The following AKAP6 variants were observed in gnomAD, a reference collection of about 807,000 sequenced individuals.
AKAP6 encodes the protein A-kinase anchoring protein 6, also known as A-kinase anchor protein 6.
In AKAP6, 58 loss-of-function variants were observed where a neutral mutation model predicts 188.5. That is an observed-to-expected ratio of 0.31 (90% confidence interval 0.25 to 0.38). AKAP6 has a LOEUF of 0.38. Among genes scored for constraint, AKAP6 ranks in the 10% least tolerant of loss-of-function variants. The pLI is 1.00. For synonymous variants in AKAP6, 989 were observed against 998.6 expected, an observed-to-expected ratio of 0.99 and a Z score of 0.18; for missense variants, 2,710 against 2,740.0, an observed-to-expected ratio of 0.99 and a Z score of 0.24.
At chr14:32,381,130 A>G (rs908769780) in intron 1 of AKAP6, among the ~76,000 whole-genome samples, 3 of 152,156 alleles carry the variant, frequency 2.0e-5, no homozygotes, top group Admixed American at 2.0e-4. Context: ...TGAGGCCAAG[A>G]GTTCGAGACC....
At chr14:32,643,531 CT>C (rs1248474386) in intron 7 of AKAP6, among the ~76,000 whole-genome samples, 1 of 152,118 alleles carries the variant, frequency 6.6e-6, no homozygotes, top group Non-Finnish European at 1.5e-5. Flanking sequence ...TGGTCTTGAA[CT>C]CCTGACCTTG....
intron 2 of AKAP6, among the ~76,000 whole-genome samples, chr14:32,510,430 ATATATG>A (rs1881162092): frequency 2.6e-5 from 2 of 77,368 alleles, no homozygotes; most frequent in African/African-American, 6.3e-5. Flanking sequence ...ATATACATAT[ATATATG>A]TGTATATATA....
chr14:32,789,804 G>A (rs1027374098), intron 12 of AKAP6, among the ~76,000 whole-genome samples: 2 of 152,190 alleles, frequency 1.3e-5, no homozygotes, highest in Non-Finnish European at 2.9e-5. Context: ...CAAAAAGCCA[G>A]AGTGCCTCTT....
At chr14:32,494,884 GT>G (rs1417255357) in intron 2 of AKAP6, among the ~76,000 whole-genome samples, 1 of 152,158 alleles carries the variant, frequency 6.6e-6, no homozygotes, top group Non-Finnish European at 1.5e-5. Context: ...TACACCCCAT[GT>G]TGTGGGGTGT....
At chr14:32,567,518 C>A (rs1884255007) in intron 4 of AKAP6, among the ~76,000 whole-genome samples, 1 of 152,126 alleles carries the variant, frequency 6.6e-6, no homozygotes, top group Non-Finnish European at 1.5e-5. Flanking sequence ...ATAAACTCTT[C>A]ACATGGAATT....
intron 12 of AKAP6, among the ~76,000 whole-genome samples, chr14:32,787,586 A>T (rs1479603308): frequency 1.3e-5 from 2 of 152,162 alleles, no homozygotes; most frequent in Non-Finnish European, 2.9e-5. Flanking sequence ...TGTGGCAATT[A>T]TTTTTATAAG....
chr14:32,718,368 TTTC>T, intron 9 of AKAP6: 1 of 982,320 alleles, frequency 1.0e-6, no homozygotes, highest in Non-Finnish European at 1.2e-6. Context: ...TCAAAATATT[TTTC>T]TGACAAATAT....
At chr14:32,821,330 T>A in intron 12 of AKAP6, 72 bp from the exon 13 acceptor site, 1 of 1,493,468 alleles carries the variant, frequency 6.7e-7, no homozygotes, top group Middle Eastern at 1.8e-4. Context: ...TTCTGAGAGA[T>A]TTTCAATGGA....
chr14:32,337,643 A>G (rs1946261495), intron 1 of AKAP6, among the ~76,000 whole-genome samples: 1 of 152,024 alleles, frequency 6.6e-6, no homozygotes, highest in African/African-American at 2.4e-5. Context: ...ACATATGTAT[A>G]CATGTGCCAT....
chr14:32,510,405 T>TATATATATACAC lies in AKAP6; in HGVS notation c.325-25141_325-25140insACACATATATAT, dbSNP rs1555335129. 2.4e-3 allele frequency among the ~76,000 whole-genome samples: 236 copies of TATATATATACAC among 98,010 alleles called. 2 individuals carry two copies. The highest frequency in any genetic ancestry group is 9.7e-3 in the African/African-American group (223 of 22,964). The allele number at this position is 98,010 out of a possible 152,430, so 64.3% of individuals were successfully genotyped here. ...GTATATATATATGTGTATATATATG[T>TATATATATACAC]ATATATATGTATATATATACATATA... is the stretch of plus-strand genomic sequence containing the variant. On this transcript the variant is annotated intron_variant, in intron 2 of 13. Transcript: ENST00000280979.
intron 11 of AKAP6, among the ~76,000 whole-genome samples, chr14:32,758,006 T>G (rs2032402856): frequency 6.6e-6 from 1 of 152,222 alleles, no homozygotes; most frequent in Non-Finnish European, 1.5e-5. Flanking sequence ...TATTCAAATA[T>G]GTGTACTTAT....
At chr14:32,551,700 C>T (rs1883473318) in intron 4 of AKAP6, among the ~76,000 whole-genome samples, 1 of 151,498 alleles carries the variant, frequency 6.6e-6, no homozygotes, top group African/African-American at 2.4e-5. Flanking sequence ...GCTCTGTCGC[C>T]CAGGCTGGAG....
chr14:32,589,646 C>T (rs1024693922), intron 5 of AKAP6, among the ~76,000 whole-genome samples: 2 of 152,140 alleles, frequency 1.3e-5, no homozygotes, highest in Non-Finnish European at 2.9e-5. Flanking sequence ...AGTTTAAGGA[C>T]TCTTGGGCCA....
intron 12 of AKAP6, among the ~76,000 whole-genome samples, chr14:32,818,049 T>G (rs2034431689): frequency 2.0e-5 from 3 of 152,170 alleles, no homozygotes; most frequent in Admixed American, 6.5e-5. Flanking sequence ...TTGAAAATAT[T>G]GACAGAATTT....
intron 12 of AKAP6, among the ~76,000 whole-genome samples, chr14:32,807,493 A>G (rs1329441513): frequency 6.6e-6 from 1 of 152,164 alleles, no homozygotes; most frequent in African/African-American, 2.4e-5. Context: ...TGTTTTAGGA[A>G]GCTTGGTTTG....
intron 1 of AKAP6, among the ~76,000 whole-genome samples, chr14:32,421,690 A>T (rs754845545): frequency 6.6e-5 from 10 of 152,116 alleles, no homozygotes; most frequent in Non-Finnish European, 1.5e-4. Context: ...GCCCGCTCAT[A>T]TTTAGGAGTA....
At chr14:32,583,185 G>A (rs1444273962) in intron 5 of AKAP6, among the ~76,000 whole-genome samples, 4 of 152,160 alleles carry the variant, frequency 2.6e-5, no homozygotes, top group Non-Finnish European at 5.9e-5. Context: ...TGTCCTTTCT[G>A]TTTGTTAGTT....
In AKAP6 at chr14:32,545,856, T is replaced by C; in HGVS notation, c.1203T>C (p.Phe401=). ...GACTTTTTCTTAAAGAGGAAACTTT[T>C]AAGAATGATCTGAAAGGCAATGGTG... ...KRGLFLKEET[F]KNDLKGNGGK... is the part of the protein sequence containing the mutation. The change falls in exon 4 of 14, where the codon TTT becomes TTC. Residue 401 remains phenylalanine, a synonymous_variant. Transcript: ENST00000280979. 6.2e-7 allele frequency: 1 copy of C among 1,614,238 alleles called. No individual in the cohort carries two copies. The highest frequency in any genetic ancestry group is 8.5e-7 in the Non-Finnish European group (1 of 1,180,032).
chr14:32,735,966 C>A, intron 11 of AKAP6, 84 bp downstream of exon 11: 1 of 1,038,172 alleles, frequency 9.6e-7, no homozygotes, highest in Non-Finnish European at 1.4e-6. Context: ...AGTATTATAC[C>A]CATGTATCTG....
Sources: gnomAD v4.1 joint callset for allele counts (sites outside exome capture counted in the v4.1 genomes callset) on GRCh38, gnomAD v4.1.1 for gene constraint, MANE v1.5 for transcripts, NCBI Gene and HGNC (gene_info 2026-07-23, HGNC 2026-07-21) for gene names.